Variants in TMEM182 observed in about 807,000 individuals in gnomAD.
The protein encoded by TMEM182 is transmembrane protein 182.
TMEM182 carries 20 observed loss-of-function variants against 26.8 expected under a neutral mutation model. The observed-to-expected ratio is 0.75, with a 90% CI of 0.53 to 1.09. The LOEUF (loss-of-function observed/expected upper bound fraction) is 1.09. Ranked by LOEUF, TMEM182 falls within the 50% of genes least tolerant of loss-of-function variation. TMEM182 has a pLI of 0.00. For synonymous variants in TMEM182, 109 were observed against 102.2 expected (o/e 1.07, Z -0.40); for missense variants, 277 against 275.5 (o/e 1.01, Z -0.04).
chr2:102,840,665 C>A (rs1683333282), intron 3 of TMEM182, among the ~76,000 whole-genome samples: 1 of 152,198 alleles, frequency 6.6e-6, no homozygotes, highest in South Asian at 2.1e-4. Context: ...ATAACTCCAG[C>A]TCCTTTCACA....
chr2:102,823,184 G>T (rs1558792105), intron 3 of TMEM182, among the ~76,000 whole-genome samples: 1 of 152,098 alleles, frequency 6.6e-6, no homozygotes, highest in African/African-American at 2.4e-5. Context: ...GAAGTTAAAT[G>T]TTCCCCTGAC....
In TMEM182 at chr2:102,764,435, C is replaced by A; in HGVS notation, c.331+8C>A. The A allele has an allele frequency of 6.2e-7, 1 of 1,611,902 alleles. No homozygotes were observed. The highest frequency in any genetic ancestry group is 8.5e-7 in the Non-Finnish European group (1 of 1,178,416). On this transcript the variant is annotated splice_region_variant and intron_variant, in intron 3 of 4. Transcript: ENST00000412401. The stretch of plus-strand genomic sequence containing the variant: ...CCTATGACTCTGCAGTTAGTAAGTA[C>A]CCTCTGTCCTCAGCCTACTTCTAAA...
At chr2:102,737,120 T>C in intron 1 of TMEM182, 1 of 335,054 alleles carries the variant, frequency 3.0e-6, no homozygotes, top group Non-Finnish European at 5.4e-6. Flanking sequence ...TGTATTGAGC[T>C]TCACTTCCTC....
intron 3 of TMEM182, among the ~76,000 whole-genome samples, chr2:102,777,981 G>GTAGT (rs1680995080): frequency 6.6e-6 from 1 of 151,884 alleles, no homozygotes; most frequent in Non-Finnish European, 1.5e-5. Flanking sequence ...TGCATATTCT[G>GTAGT]TAGTTTTATT....
downstream of TMEM182, among the ~76,000 whole-genome samples, chr2:102,818,176 T>C (rs942708240): frequency 8.5e-5 from 13 of 152,078 alleles, no homozygotes; most frequent in Non-Finnish European, 1.8e-4. Context: ...CCACCAGAAG[T>C]GGAAACTCAT....
intron 1 of TMEM182, among the ~76,000 whole-genome samples, chr2:102,749,620 C>T (rs1679816906): frequency 6.6e-6 from 1 of 152,014 alleles, no homozygotes; most frequent in Non-Finnish European, 1.5e-5. Flanking sequence ...TTAGAGAAAA[C>T]TTTGAACCAA....
intron 3 of TMEM182, among the ~76,000 whole-genome samples, chr2:102,823,900 G>A (rs909032303): frequency 6.6e-5 from 10 of 152,178 alleles, no homozygotes; most frequent in Admixed American, 3.3e-4. Flanking sequence ...ATCAAAAGGC[G>A]TATCATAATA....
intron 4 of TMEM182, among the ~76,000 whole-genome samples, chr2:102,804,035 G>A (rs893648040): frequency 6.6e-6 from 1 of 152,226 alleles, no homozygotes; most frequent in Admixed American, 6.5e-5. Flanking sequence ...GCTATAAATA[G>A]CTGCACACTG....
At chr2:102,836,003 A>C (rs984466704) in intron 3 of TMEM182, among the ~76,000 whole-genome samples, 20 of 152,272 alleles carry the variant, frequency 1.3e-4, no homozygotes, top group Middle Eastern at 3.4e-3. Flanking sequence ...TATGTAGTCC[A>C]TTCAGATTGG....
chr2:102,748,950 A>G (rs565963640), intron 1 of TMEM182, among the ~76,000 whole-genome samples: 22 of 152,308 alleles, frequency 1.4e-4, no homozygotes, highest in African/African-American at 5.0e-4. Flanking sequence ...AAGTTCAAGG[A>G]TAACTCTAAA....
upstream of TMEM182, among the ~76,000 whole-genome samples, chr2:102,757,840 C>T (rs931227256): frequency 6.6e-6 from 1 of 152,058 alleles, no homozygotes; most frequent in Admixed American, 6.6e-5. Context: ...AGAATCTTGG[C>T]GGAAGGCAAA....
chr2:102,748,141 T>G (rs571370595), intron 1 of TMEM182, among the ~76,000 whole-genome samples: 2 of 152,212 alleles, frequency 1.3e-5, no homozygotes, highest in Non-Finnish European at 2.9e-5. Context: ...AATCCTTGGA[T>G]TGGGAGTAAC....
At chr2:102,826,060 A>G (rs1683024981) in intron 3 of TMEM182, among the ~76,000 whole-genome samples, 2 of 152,166 alleles carry the variant, frequency 1.3e-5, no homozygotes, top group African/African-American at 4.8e-5. Flanking sequence ...CCACTTTTAA[A>G]TTCTCCACTG....
At chr2:102,754,744 C>T (rs1452473487) in intron 1 of TMEM182, among the ~76,000 whole-genome samples, 1 of 148,328 alleles carries the variant, frequency 6.7e-6, no homozygotes. Flanking sequence ...AATATTGCAA[C>T]ATTAGGATTA....
chr2:102,820,556 G>A (rs1682898772), downstream of TMEM182, among the ~76,000 whole-genome samples: 1 of 152,178 alleles, frequency 6.6e-6, no homozygotes, highest in South Asian at 2.1e-4. Flanking sequence ...TCTTTCTAAG[G>A]CAAGAATTCT....
rs115784735 is a variant in TMEM182, at chr2:102,788,646, A to G, written c.332-9217A>G. On this transcript the variant is annotated intron_variant, in intron 3 of 4. Transcript: ENST00000412401. The stretch of plus-strand genomic sequence containing the variant: ...CTCCTTAGAAGGAGCAAGTGAGATA[A>G]TGAACATGGGCATGTTCTCAACCCT... Among the ~76,000 whole-genome samples, 361 of 152,112 alleles carry G rather than the reference A, an allele frequency of 2.4e-3. 1 individual carries two copies. Among genetic ancestry groups the G allele is most frequent in the African/African-American group, 8.2e-3 (341 of 41,486 alleles).
At chr2:102,743,955 A>C (rs1204808486) in intron 1 of TMEM182, among the ~76,000 whole-genome samples, 1 of 152,232 alleles carries the variant, frequency 6.6e-6, no homozygotes. Context: ...ACTTGAGGCA[A>C]AAACTAATAA....
chr2:102,775,557 G>A (rs1680877417), intron 3 of TMEM182: 1 of 152,110 alleles, frequency 6.6e-6, no homozygotes, highest in African/African-American at 2.4e-5. Flanking sequence ...GACAGGAGAA[G>A]GAAATAAAGG....
chr2:102,813,015 A>G (rs1026349071), intron 4 of TMEM182, among the ~76,000 whole-genome samples: 12 of 151,988 alleles, frequency 7.9e-5, no homozygotes, highest in Non-Finnish European at 1.8e-4. Flanking sequence ...TGGCTTTACT[A>G]TTTCTCTGTG....
Sources: allele counts gnomAD v4.1 joint callset (sites outside exome capture counted in the v4.1 genomes callset), GRCh38; gene constraint gnomAD v4.1.1; transcripts MANE v1.5; gene names NCBI Gene and HGNC (gene_info 2026-07-23, HGNC 2026-07-21).